ECSCR: variants seen among roughly 807,000 people sequenced by gnomAD.
The protein encoded by ECSCR is endothelial cell surface expressed chemotaxis and apoptosis regulator, also known as endothelial cell-specific chemotaxis regulator.
Under a neutral mutation model 16.7 loss-of-function variants are expected in ECSCR, and 12 were observed. The observed-to-expected ratio is 0.72, with a 90% CI of 0.46 to 1.17. The LOEUF is 1.17. Among genes scored for constraint, ECSCR ranks in the 50% most tolerant of loss-of-function variants. The pLI is 0.00. For synonymous variants in ECSCR, 44 were observed against 42.2 expected, an observed-to-expected ratio of 1.04 and a Z score of -0.17; for missense variants, 122 against 116.1, an observed-to-expected ratio of 1.05 and a Z score of -0.23.
intron 6 of ECSCR, 107 bp from the exon 7 acceptor site, chr5:139,455,030 G>A (rs1751126319): frequency 1.0e-5 from 4 of 397,800 alleles, no homozygotes; most frequent in Non-Finnish European, 1.3e-5. Context: ...ACAGGCTCCA[G>A]GAGCAAAGTG....
chr5:139,451,064 C>T (rs1001205036), intron 8 of ECSCR, among the ~76,000 whole-genome samples: 2 of 152,088 alleles, frequency 1.3e-5, no homozygotes, highest in South Asian at 2.1e-4. Flanking sequence ...CTCAGAGGAG[C>T]CTGTCAGGAT....
intron 1 of ECSCR, among the ~76,000 whole-genome samples, chr5:139,458,927 G>A (rs2152089919): frequency 6.6e-6 from 1 of 152,172 alleles, no homozygotes; most frequent in South Asian, 2.1e-4. Flanking sequence ...GACACACTAG[G>A]CAGAGGACTA....
Position 139,454,658 on chromosome 5 carries a change from C to T in ECSCR, c.476-20G>A, listed in dbSNP as rs1231861878. On this transcript the variant is annotated intron_variant, in intron 7 of 9. Coordinates refer to ENST00000618155, the MANE Select transcript of ECSCR (RefSeq NM_001077693.4). ...GGGGATCTGTAAAAAGCCAAAGGCA[C>T]AGGTTGGGGCTCACATGCTGTAACT... 3.0e-5 allele frequency: 12 copies of T among 398,158 alleles called. No homozygotes were observed. Among genetic ancestry groups the T allele is most frequent in the Non-Finnish European group, 4.9e-5 (11 of 225,954 alleles). The allele number at this position is 398,158 out of a possible 1,614,324, so 24.7% of individuals were successfully genotyped here.
intron 1 of ECSCR, among the ~76,000 whole-genome samples, chr5:139,458,504 A>C (rs1304920444): frequency 0.014 from 101 of 7,060 alleles, no homozygotes; most frequent in Non-Finnish European, 0.029. Context: ...TCTCAACAAA[A>C]AAAAAAAAAA....
chr5:139,457,439 G>T, intron 4 of ECSCR, 106 bp downstream of exon 4: 1 of 766,304 alleles, frequency 1.3e-6, no homozygotes, highest in Admixed American at 1.7e-5. Context: ...CTATTTCCTT[G>T]TCTGTTCCCG....
At chr5:139,451,887 G>A (rs1445327882) in intron 8 of ECSCR, among the ~76,000 whole-genome samples, 1 of 151,132 alleles carries the variant, frequency 6.6e-6, no homozygotes, top group African/African-American at 2.4e-5. Flanking sequence ...TAGGGTGTGG[G>A]GTGTGTGTGT....
intron 8 of ECSCR, among the ~76,000 whole-genome samples, chr5:139,450,949 G>A (rs1343304820): frequency 6.6e-6 from 1 of 152,054 alleles, no homozygotes; most frequent in Non-Finnish European, 1.5e-5. Flanking sequence ...TTTCATGATG[G>A]GGTTATAGAG....
intron 8 of ECSCR, among the ~76,000 whole-genome samples, chr5:139,452,337 G>GTGGTATA (rs1751078746): frequency 1.1e-4 from 8 of 75,512 alleles, no homozygotes; most frequent in Non-Finnish European, 1.7e-4. Flanking sequence ...GTGTGTGTGT[G>GTGGTATA]TGATATGTGT....
intron 8 of ECSCR, among the ~76,000 whole-genome samples, chr5:139,451,379 G>GGTGTGTGGGTTTGTGGTGT (rs1561474793): frequency 6.6e-6 from 1 of 150,916 alleles, no homozygotes. Context: ...TTTTTTATGT[G>GGTGTGTGGGTTTGTGGTGT]GTGTGTGGGT....
chr5:139,457,574 G>C lies in ECSCR; in HGVS notation c.188C>G (p.Pro63Arg). 1 of 802,020 alleles carries C rather than the reference G, an allele frequency of 1.2e-6. No individual in the cohort carries two copies. Among genetic ancestry groups the C allele is most frequent in the Non-Finnish European group, 2.3e-6 (1 of 437,456 alleles). 49.7% of individuals were successfully genotyped at this position (802,020 alleles called of 1,614,324 possible). A position where few individuals can be genotyped will look rare whatever the true frequency, so the allele number is the denominator to read the frequency against. ...GYIPSSEANR[P>R]SHLSSTGTPG... is the part of the protein sequence containing the mutation. ...GGTACCAGTGCTGGACAGATGGCTT[G>C]GCCTGTTAGCCTCTGAGGAAGGGAT... Residue 63 changes from proline (P) to arginine (R), a missense_variant, in exon 4 of 10, where the codon CCA (proline) becomes CGA (arginine). Physicochemically the swap from Pro to Arg is moderately radical, Grantham distance 103. Coordinates refer to ENST00000618155, the MANE Select transcript of ECSCR (RefSeq NM_001077693.4).
At chr5:139,449,688 T>TTACCAAG (rs1750988903) in intron 8 of ECSCR, among the ~76,000 whole-genome samples, 1 of 152,046 alleles carries the variant, frequency 6.6e-6, no homozygotes, top group African/African-American at 2.4e-5. Flanking sequence ...TGTTTGATCT[T>TTACCAAG]TACCAAGTTA....
chr5:139,458,362 T>C (rs1208642730), intron 1 of ECSCR, 179 bp from the exon 2 acceptor site: 1 of 164,988 alleles, frequency 6.1e-6, no homozygotes, highest in Non-Finnish European at 1.2e-5. Context: ...GGCACAGTAG[T>C]GCACACCTGG....
At chr5:139,456,883 G>A (rs1373596298) in intron 4 of ECSCR, among the ~76,000 whole-genome samples, 1 of 152,142 alleles carries the variant, frequency 6.6e-6, no homozygotes, top group Non-Finnish European at 1.5e-5. Flanking sequence ...GTTTTTCACC[G>A]CTGCCCCCCG....
At chr5:139,458,388 G>A (rs1751210758) in intron 1 of ECSCR, among the ~76,000 whole-genome samples, 2 of 147,982 alleles carry the variant, frequency 1.4e-5, no homozygotes, top group Admixed American at 1.3e-4. Flanking sequence ...TAGCTACTCA[G>A]GAGGCTGAGG....
chr5:139,455,495 C>T (rs1751137444), intron 5 of ECSCR, 59 bp from the exon 6 acceptor site: 2 of 396,302 alleles, frequency 5.0e-6, no homozygotes, highest in Middle Eastern at 6.3e-4. Context: ...GAAGCTAGAG[C>T]TAGCTTCCCT....
chr5:139,457,077 C>T (rs1471712024), intron 4 of ECSCR, among the ~76,000 whole-genome samples: 1 of 152,248 alleles, frequency 6.6e-6, no homozygotes, highest in Non-Finnish European at 1.5e-5. Context: ...CGGGCCTGCT[C>T]AGGGCCTTGG....
At chr5:139,460,424 C>T (rs561819094) in intron 1 of ECSCR, among the ~76,000 whole-genome samples, 10 of 152,140 alleles carry the variant, frequency 6.6e-5, no homozygotes, top group South Asian at 2.1e-4. Context: ...CGTGAGCCAC[C>T]GAGCCTGGCC....
chr5:139,450,970 G>A (rs944156405), intron 8 of ECSCR, among the ~76,000 whole-genome samples: 1 of 152,088 alleles, frequency 6.6e-6, no homozygotes, highest in African/African-American at 2.4e-5. Context: ...GGTTAGCCCT[G>A]GTGTTGAAGA....
At chr5:139,458,021 C>G in intron 2 of ECSCR, 118 bp downstream of exon 2, 2 of 1,258,784 alleles carry the variant, frequency 1.6e-6, no homozygotes, top group Non-Finnish European at 2.3e-6. Flanking sequence ...CTGAGAGCTC[C>G]CGCTCCAGCT....
Sources: allele counts gnomAD v4.1 joint callset (sites outside exome capture counted in the v4.1 genomes callset), GRCh38; gene constraint gnomAD v4.1.1; transcripts MANE v1.5; gene names NCBI Gene and HGNC (gene_info 2026-07-23, HGNC 2026-07-21).